Variants in BRINP1 observed in about 807,000 individuals in gnomAD.
BRINP1 encodes the protein BMP/retinoic acid inducible neural specific 1.
BRINP1 carries 17 observed loss-of-function variants against 72.9 expected under a neutral mutation model. The ratio of observed to expected loss-of-function variants is 0.23; its 90% confidence interval spans 0.16 to 0.35. The LOEUF is 0.35. Among genes scored for constraint, BRINP1 ranks in the 10% least tolerant of loss-of-function variants. The pLI is 1.00. For missense variants in BRINP1, 850 were observed against 1,001.6 expected, an observed-to-expected ratio of 0.85 and a Z score of 2.04; for synonymous variants, 418 against 378.5, an observed-to-expected ratio of 1.10 and a Z score of -1.21.
Position 119,188,208 on chromosome 9 carries a change from C to A in BRINP1, c.1146-19984G>T, listed in dbSNP as rs1396879873. 2.0e-5 allele frequency among the ~76,000 whole-genome samples: 3 copies of A among 152,074 alleles called. No homozygotes were observed. The East Asian group carries it at 5.8e-4, about 29-fold the overall frequency. Reference sequence around the variant, plus strand: ...GAAGAGACATGAACATCCAGATTCACAAAGCTCATAGGTTCCCAAATAGGT... The same window carrying A: ...GAAGAGACATGAACATCCAGATTCAAAAAGCTCATAGGTTCCCAAATAGGT... On this transcript the variant is annotated intron_variant, in intron 7 of 7. Coordinates refer to ENST00000265922, the MANE Select transcript of BRINP1 (RefSeq NM_014618.3).
chr9:119,220,384 T>C (rs1270298024), intron 5 of BRINP1, among the ~76,000 whole-genome samples: 1 of 152,078 alleles, frequency 6.6e-6, no homozygotes, highest in Non-Finnish European at 1.5e-5. Context: ...CTGGAAAAGA[T>C]AACTGGGAAA....
At chr9:119,242,869 T>G (rs916179729) in intron 3 of BRINP1, among the ~76,000 whole-genome samples, 1 of 152,226 alleles carries the variant, frequency 6.6e-6, no homozygotes, top group Non-Finnish European at 1.5e-5. Flanking sequence ...CTAACTATGA[T>G]GACTTTTAAT....
At chr9:119,356,618 G>C (rs920211335) in intron 1 of BRINP1, among the ~76,000 whole-genome samples, 2 of 151,904 alleles carry the variant, frequency 1.3e-5, no homozygotes, top group African/African-American at 4.8e-5. Flanking sequence ...AGCCTGGGCA[G>C]CATGGTGAAA....
chr9:119,316,951 C>T (rs1005211372), intron 1 of BRINP1, among the ~76,000 whole-genome samples: 3 of 149,102 alleles, frequency 2.0e-5, no homozygotes, highest in South Asian at 2.1e-4. Flanking sequence ...ATTAGCTGGG[C>T]ATGGTGGTGC....
chr9:119,253,761 G>C (rs1304534870), intron 2 of BRINP1, among the ~76,000 whole-genome samples: 2 of 152,180 alleles, frequency 1.3e-5, no homozygotes, highest in Admixed American at 1.3e-4. Flanking sequence ...GAAAGAAAGG[G>C]ATGTGTGTGT....
intron 2 of BRINP1, among the ~76,000 whole-genome samples, chr9:119,281,032 A>G (rs1208806049): frequency 6.6e-6 from 1 of 152,088 alleles, no homozygotes; most frequent in African/African-American, 2.4e-5. Flanking sequence ...AGGTACAGGA[A>G]AGGCAGATGC....
intron 2 of BRINP1, among the ~76,000 whole-genome samples, chr9:119,312,310 T>C (rs1407233080): frequency 6.6e-6 from 1 of 152,212 alleles, no homozygotes; most frequent in Non-Finnish European, 1.5e-5. Context: ...GTGTTTATGA[T>C]AACAAGGCAG....
chr9:119,272,374 C>A (rs182750411), intron 2 of BRINP1, among the ~76,000 whole-genome samples: 3 of 152,222 alleles, frequency 2.0e-5, no homozygotes, highest in African/African-American at 4.8e-5. Flanking sequence ...TGAGCCACTG[C>A]GCCCGGCAGG....
At chr9:119,301,028 A>G (rs968553505) in intron 2 of BRINP1, among the ~76,000 whole-genome samples, 1 of 152,228 alleles carries the variant, frequency 6.6e-6, no homozygotes, top group Non-Finnish European at 1.5e-5. Flanking sequence ...TGGTAACCTG[A>G]TAACTCCAAA....
intron 1 of BRINP1, among the ~76,000 whole-genome samples, chr9:119,321,757 T>A (rs190168904): frequency 6.6e-6 from 1 of 152,216 alleles, no homozygotes; most frequent in Non-Finnish European, 1.5e-5. Context: ...GCCTGGCCAA[T>A]AGAATTTTAA....
At chr9:119,258,105 T>C (rs914936176) in intron 2 of BRINP1, among the ~76,000 whole-genome samples, 6 of 152,238 alleles carry the variant, frequency 3.9e-5, no homozygotes, top group African/African-American at 1.4e-4. Flanking sequence ...TTGCTTATAA[T>C]GTGTACAGAG....
At chr9:119,293,882 T>G (rs1055667731) in intron 2 of BRINP1, among the ~76,000 whole-genome samples, 21 of 152,186 alleles carry the variant, frequency 1.4e-4, no homozygotes, top group Admixed American at 1.4e-3. Flanking sequence ...CTATTCAGCA[T>G]AGTATTGGAA....
At chr9:119,174,983 G>C (rs1829464349) in intron 7 of BRINP1, among the ~76,000 whole-genome samples, 1 of 150,060 alleles carries the variant, frequency 6.7e-6, no homozygotes, top group Non-Finnish European at 1.5e-5. Flanking sequence ...GGGGGGAGGA[G>C]GGAGGGATAG....
Position 119,185,623 on chromosome 9 carries a change from C to A in BRINP1, c.1146-17399G>T, listed in dbSNP as rs368025518. Among the ~76,000 whole-genome samples, 12 of 152,258 alleles carry A rather than the reference C, an allele frequency of 7.9e-5. No homozygotes were observed. The South Asian group carries it at 1.7e-3, about 21-fold the overall frequency. ...AGTACAGTAAGGGGGTGGTGAAAAC[C>A]CTGTGAGGCACAGAAAAGCAGGATG... On this transcript the variant is annotated intron_variant, in intron 7 of 7. Coordinates refer to ENST00000265922, the MANE Select transcript of BRINP1 (RefSeq NM_014618.3).
chr9:119,347,183 T>C (rs1049562901), intron 1 of BRINP1, among the ~76,000 whole-genome samples: 2 of 152,128 alleles, frequency 1.3e-5, no homozygotes, highest in Non-Finnish European at 2.9e-5. Flanking sequence ...TCAAGAATAA[T>C]TGCAATCTGC....
rs946970858 is a variant in BRINP1, at chr9:119,276,200, C to T, written c.219-27050G>A. Reference sequence around the variant, plus strand: ...TACCTTCTTAAGTATTTAATACATCCAAAACAAGGCCCATAAGTATATATC... The same window carrying T: ...TACCTTCTTAAGTATTTAATACATCTAAAACAAGGCCCATAAGTATATATC... On this transcript the variant is annotated intron_variant, in intron 2 of 7. Coordinates refer to ENST00000265922, the MANE Select transcript of BRINP1 (RefSeq NM_014618.3). 3.9e-5 allele frequency among the ~76,000 whole-genome samples: 6 copies of T among 152,146 alleles called. No individual in the cohort carries two copies. In the East Asian group the frequency reaches 9.7e-4, roughly 25 times the overall value.
chr9:119,170,150 A>C (rs1281166268), intron 7 of BRINP1, among the ~76,000 whole-genome samples: 1 of 152,134 alleles, frequency 6.6e-6, no homozygotes, highest in Non-Finnish European at 1.5e-5. Context: ...TGACGAGCTG[A>C]GAGAAGAAGG....
chr9:119,290,198 G>T (rs1004568489), intron 2 of BRINP1, among the ~76,000 whole-genome samples: 3 of 152,166 alleles, frequency 2.0e-5, no homozygotes, highest in African/African-American at 7.2e-5. Flanking sequence ...GTTAAGAATT[G>T]CATGTCTATG....
chr9:119,302,389 GT>G (rs1167101397), intron 2 of BRINP1, among the ~76,000 whole-genome samples: 1 of 151,836 alleles, frequency 6.6e-6, no homozygotes, highest in Non-Finnish European at 1.5e-5. Context: ...TTCATGTATT[GT>G]TTTTTTCAAA....
Sources: allele counts gnomAD v4.1 joint callset (sites outside exome capture counted in the v4.1 genomes callset), GRCh38; gene constraint gnomAD v4.1.1; transcripts MANE v1.5; gene names NCBI Gene and HGNC (gene_info 2026-07-23, HGNC 2026-07-21).